Variants in LINGO1 observed in about 807,000 individuals in gnomAD.
LINGO1 encodes the protein leucine rich repeat and Ig domain containing 1, also known as leucine-rich repeat and immunoglobulin-like domain-containing nogo receptor-interacting protein 1.
Under a neutral mutation model 37.3 loss-of-function variants are expected in LINGO1, and 11 were observed. The observed-to-expected ratio is 0.29, with a 90% CI of 0.19 to 0.49. LINGO1 has a LOEUF of 0.49. Among genes scored for constraint, LINGO1 ranks in the 20% least tolerant of loss-of-function variants. The pLI is 0.99. For missense variants in LINGO1, 585 were observed against 878.2 expected, an observed-to-expected ratio of 0.67 and a Z score of 4.22; for synonymous variants, 387 against 403.0, an observed-to-expected ratio of 0.96 and a Z score of 0.48.
chr15:77,624,183 G>A (rs530414884), intron 1 of LINGO1, among the ~76,000 whole-genome samples: 68 of 145,780 alleles, frequency 4.7e-4, no homozygotes, highest in Non-Finnish European at 9.0e-4. Flanking sequence ...GTGTGTGTGT[G>A]TGTGTGTGTG....
intron 1 of LINGO1, among the ~76,000 whole-genome samples, chr15:77,630,730 A>G (rs1877298): frequency 0.21 from 31,687 of 152,068 alleles, 6,678 homozygotes; most frequent in African/African-American, 0.54. Context: ...TCAGGGGGTG[A>G]GGAGGGGGGC....
intron 3 of LINGO1, among the ~76,000 whole-genome samples, chr15:77,666,568 A>G (rs1441507136): frequency 6.6e-6 from 1 of 152,222 alleles, no homozygotes; most frequent in Non-Finnish European, 1.5e-5. Context: ...CTGGAGGCAG[A>G]GGAGGGTGAT....
upstream of LINGO1, among the ~76,000 whole-genome samples, chr15:77,637,541 C>T (rs920549420): frequency 2.0e-5 from 3 of 152,138 alleles, no homozygotes; most frequent in African/African-American, 7.2e-5. The surrounding 1 kb of genome is among the most constrained non-coding windows in gnomAD (Gnocchi z 4.6). Context: ...AAGATAATGT[C>T]GGTTTCACGG....
chr15:77,704,244 T>C (rs1305085605), intron 2 of LINGO1, among the ~76,000 whole-genome samples: 1 of 152,060 alleles, frequency 6.6e-6, no homozygotes, highest in Non-Finnish European at 1.5e-5. Flanking sequence ...ACAGGCCCCA[T>C]GGGAGAGACA....
chr15:77,692,478 A>C (rs571905772), intron 1 of LINGO1, among the ~76,000 whole-genome samples: 3 of 152,342 alleles, frequency 2.0e-5, no homozygotes, highest in African/African-American at 7.2e-5. Flanking sequence ...GAACGGAAAA[A>C]GTTCAAGAAG....
At chr15:77,735,950 T>C (rs1251061911) in intron 1 of LINGO1, among the ~76,000 whole-genome samples, 4 of 152,244 alleles carry the variant, frequency 2.6e-5, no homozygotes, top group African/African-American at 9.6e-5. Context: ...AGGGGAGGGC[T>C]GTGGGCTGGT....
upstream of LINGO1, among the ~76,000 whole-genome samples, chr15:77,633,276 T>G (rs1273081707): frequency 7.2e-6 from 1 of 137,938 alleles, no homozygotes; most frequent in Non-Finnish European, 1.5e-5. Flanking sequence ...CACCGTTGTG[T>G]GTGATTTTTG....
At chr15:77,758,597 C>T (rs75267976) in intron 1 of LINGO1, among the ~76,000 whole-genome samples, 3,306 of 152,218 alleles carry the variant, frequency 0.022, 125 homozygotes, top group African/African-American at 0.077. Flanking sequence ...AGCCAAGCCT[C>T]GTATTCTTGA....
At chr15:77,777,464 C>T (rs77485180) in intron 1 of LINGO1, among the ~76,000 whole-genome samples, 66,096 of 118,574 alleles carry the variant, frequency 0.56, 15,742 homozygotes, top group South Asian at 0.63. Context: ...TATACACACA[C>T]GCACACACAC....
intron 1 of LINGO1, among the ~76,000 whole-genome samples, chr15:77,740,004 G>A (rs1010144350): frequency 6.6e-6 from 1 of 152,252 alleles, no homozygotes; most frequent in African/African-American, 2.4e-5. Flanking sequence ...GAGAGCTGGG[G>A]ACCTAGGGGA....
At chr15:77,796,669 A>C (rs1259726467) in intron 1 of LINGO1, among the ~76,000 whole-genome samples, 4 of 147,216 alleles carry the variant, frequency 2.7e-5, no homozygotes, top group Admixed American at 6.8e-5. Flanking sequence ...TCAACTTCCC[A>C]ACCCCCATCT....
intron 2 of LINGO1, among the ~76,000 whole-genome samples, chr15:77,688,309 G>C (rs1358592798): frequency 6.6e-6 from 1 of 152,156 alleles, no homozygotes; most frequent in African/African-American, 2.4e-5. Flanking sequence ...CAAGACACAT[G>C]GCTCTCATTT....
upstream of LINGO1, among the ~76,000 whole-genome samples, chr15:77,638,650 A>G (rs933032148): frequency 6.6e-6 from 1 of 152,214 alleles, no homozygotes; most frequent in Admixed American, 6.5e-5. Context: ...CCTGTTATTA[A>G]GTCAAAGGCA....
chr15:77,699,528 A>ATG (rs2075745079), upstream of LINGO1, among the ~76,000 whole-genome samples: 2 of 1,442 alleles, frequency 1.4e-3, no homozygotes, highest in Non-Finnish European at 2.9e-3. Context: ...TATTATCCCC[A>ATG]CACACAGTAA....
intron 2 of LINGO1, among the ~76,000 whole-genome samples, chr15:77,725,776 G>A (rs2141321814): frequency 6.6e-6 from 1 of 152,280 alleles, no homozygotes; most frequent in South Asian, 2.1e-4. Context: ...CCTGGAAGGT[G>A]GACTCCTGTG....
chr15:77,656,598 C>T (rs1189839780), intron 3 of LINGO1, among the ~76,000 whole-genome samples: 2 of 152,160 alleles, frequency 1.3e-5, no homozygotes, highest in African/African-American at 4.8e-5. Context: ...TTGGTTCCCT[C>T]GGCTGCCCTG....
chr15:77,725,488 T>C (rs1350977502), intron 2 of LINGO1, among the ~76,000 whole-genome samples: 1 of 152,194 alleles, frequency 6.6e-6, no homozygotes. Context: ...ACTCGAACCC[T>C]GGTGGTCGAG....
intron 1 of LINGO1, among the ~76,000 whole-genome samples, chr15:77,744,202 T>C (rs1426123752): frequency 1.3e-5 from 2 of 151,850 alleles, no homozygotes; most frequent in Non-Finnish European, 2.9e-5. Flanking sequence ...GCTGCGTGTC[T>C]ATGAGCAAGT....
intron 3 of LINGO1, among the ~76,000 whole-genome samples, chr15:77,641,198 C>T (rs182352500): frequency 7.9e-5 from 12 of 152,314 alleles, no homozygotes; most frequent in East Asian, 7.7e-4. Flanking sequence ...GAGTGGGGTG[C>T]GAGGCTGAGG....
Sources: allele counts gnomAD v4.1 joint callset (sites outside exome capture counted in the v4.1 genomes callset), GRCh38; gene constraint gnomAD v4.1.1; non-coding constraint Gnocchi (gnomAD v3.1); transcripts MANE v1.5; gene names NCBI Gene and HGNC (gene_info 2026-07-23, HGNC 2026-07-21).